Variants in SCARB1 observed in about 807,000 individuals in gnomAD.
The protein encoded by SCARB1 is CD36 and LIMPII analogous 1.
SCARB1 carries 30 observed loss-of-function variants against 57.2 expected under a neutral mutation model. The ratio of observed to expected loss-of-function variants is 0.52; its 90% CI spans 0.39 to 0.71. The LOEUF (loss-of-function observed/expected upper bound fraction) is 0.71. Among genes scored for constraint, SCARB1 ranks in the 30% least tolerant of loss-of-function variants. The probability of loss-of-function intolerance (pLI) is 0.00; values close to 1 mark genes in which losing one functional copy is unlikely to be tolerated. For synonymous variants in SCARB1, 249 were observed against 268.3 expected (o/e 0.93, Z 0.70); for missense variants, 543 against 671.2 (o/e 0.81, Z 2.11).
rs113066166 is a variant in SCARB1 at position 124,785,796 on chromosome 12, T to C, written c.1401+561A>G. On this transcript the variant is annotated intron_variant, in intron 11 of 12. Transcript: ENST00000261693. ...AAGATTAAAATTAATTCCACCTGTT[T>C]CCTTTGACTGTTAAGTGGCTATTAG... The C allele has an allele frequency of 1.5e-3, 671 of 455,594 alleles. 6 individuals are homozygous for C. Among genetic ancestry groups the C allele is most frequent in the African/African-American group, 0.011 (584 of 51,778 alleles). The allele number at this position is 455,594 out of a possible 1,614,324, so 28.2% of individuals were successfully genotyped here. A position where few individuals can be genotyped will look rare whatever the true frequency, so the allele number is the denominator to read the frequency against.
chr12:124,799,127 G>A (rs192054768), intron 8 of SCARB1, among the ~76,000 whole-genome samples: 80 of 152,320 alleles, frequency 5.3e-4, no homozygotes, highest in Non-Finnish European at 1.1e-3. Flanking sequence ...GTGAGGTAAT[G>A]CATATGTTAA....
chr12:124,781,656 TAC>T (rs1199072861), intron 12 of SCARB1, among the ~76,000 whole-genome samples: 1 of 152,196 alleles, frequency 6.6e-6, no homozygotes, highest in Non-Finnish European at 1.5e-5. Context: ...TCAGGTGAAC[TAC>T]AGACAGGTTT....
intron 1 of SCARB1, among the ~76,000 whole-genome samples, chr12:124,840,464 C>G (rs61941677): frequency 0.091 from 13,888 of 152,246 alleles, 765 homozygotes; most frequent in Non-Finnish European, 0.13. Flanking sequence ...GCGTGAGCCA[C>G]CGCGCCTGGC....
At chr12:124,808,432 T>C (rs1226617174) in intron 6 of SCARB1, among the ~76,000 whole-genome samples, 1 of 152,232 alleles carries the variant, frequency 6.6e-6, no homozygotes, top group Non-Finnish European at 1.5e-5. Context: ...TAAGCTCTGC[T>C]CAGCCCTGCC....
chr12:124,819,245 G>A (rs76199967), intron 1 of SCARB1, among the ~76,000 whole-genome samples: 6,885 of 152,226 alleles, frequency 0.045, 457 homozygotes, highest in African/African-American at 0.14. Flanking sequence ...AAGGTGAGGC[G>A]CAGGGGACAT....
rs181400961 is a variant in SCARB1, at chr12:124,793,296, G to A, written c.1202+1899C>T. Among the ~76,000 whole-genome samples, 256 of 152,220 alleles carry A rather than the reference G, an allele frequency of 1.7e-3. 4 individuals carry two copies. Among genetic ancestry groups the A allele is most frequent in the African/African-American group, 6.0e-3 (250 of 41,490 alleles). On this transcript the variant is annotated intron_variant, in intron 9 of 12. Transcript: ENST00000261693. The stretch of plus-strand genomic sequence containing the variant: ...GCTAAGAAGTACAGACACTGACATA[G>A]CAACAAATCAGTATAATCCCTCACC...
chr12:124,811,436 C>T (rs1331976301), intron 5 of SCARB1, among the ~76,000 whole-genome samples: 1 of 150,632 alleles, frequency 6.6e-6, no homozygotes, highest in Non-Finnish European at 1.5e-5. Flanking sequence ...CCACACCCAG[C>T]TAATTTTTTG....
chr12:124,795,217 TG>T lies in SCARB1; in HGVS notation c.1179del (p.Tyr393Ter). The T allele has an allele frequency of 6.2e-7, 1 of 1,613,882 alleles. No homozygotes were observed. Among genetic ancestry groups the T allele is most frequent in the Non-Finnish European group, 8.5e-7 (1 of 1,179,818 alleles). ...CACCCAATGCCTGCGACAGATTTCA[TG>T]TAGAGGCTCAGCTGCAGTTTCACAG... is the stretch of plus-strand genomic sequence containing the variant. ...NCSVKLQLSL[Y>X]MKSVAGIGQT... On this transcript the variant is annotated frameshift_variant, in exon 9 of 13. Transcript: ENST00000261693. LOFTEE classifies it high-confidence loss of function.
At chr12:124,779,490 C>T (rs1025685255) in intron 12 of SCARB1, among the ~76,000 whole-genome samples, 1 of 151,992 alleles carries the variant, frequency 6.6e-6, no homozygotes, top group African/African-American at 2.4e-5. Flanking sequence ...GGGAGGGGGA[C>T]GAGGGCCACC....
chr12:124,800,153 C>T lies in SCARB1; in HGVS notation c.1099G>A (p.Ala367Thr). ...TGGATGTCCAGGAACAAGGAGTGTG[C>T]CTCCTGGTTAGGGTGCAGGCCAGTC... ...AVTGLHPNQE[A>T]HSLFLDIHPV... Residue 367 changes from alanine to threonine, a missense_variant, in exon 8 of 13, where the codon GCA (alanine) becomes ACA (threonine). Transcript: ENST00000261693. The surrounding 1 kb of genome is among the most constrained non-coding windows in gnomAD (Gnocchi z 4.8). 5.0e-6 allele frequency: 8 copies of T among 1,613,578 alleles called. No individual in the cohort carries two copies. The Middle Eastern group carries it at 5.0e-4, about 100-fold the overall frequency.
intron 2 of SCARB1, among the ~76,000 whole-genome samples, chr12:124,816,074 C>T (rs1950703001): frequency 6.6e-6 from 1 of 152,192 alleles, no homozygotes; most frequent in Non-Finnish European, 1.5e-5. Context: ...GGGACTCTGT[C>T]TCCCCAGGGC....
chr12:124,850,619 G>A (rs532362365), intron 1 of SCARB1, among the ~76,000 whole-genome samples: 2 of 150,980 alleles, frequency 1.3e-5, no homozygotes, highest in African/African-American at 4.9e-5. Flanking sequence ...GCGGTGAGCC[G>A]AGATCACACC....
At position 124,831,923 on chromosome 12, in the gene SCARB1, C is replaced by T. The variant is rs186753928; in HGVS notation, c.127-14216G>A. Among the ~76,000 whole-genome samples the T allele has an allele frequency of 4.1e-4, 62 of 152,272 alleles. No homozygotes were observed. In the East Asian group the frequency reaches 5.4e-3, roughly 13 times the overall value. ...AAAATTCCTAGCCGGTGCTCAGGAA[C>T]GCAATCCAGGTCATCCAAAGCCAGG... is the stretch of plus-strand genomic sequence containing the variant. On this transcript the variant is annotated intron_variant, in intron 1 of 12. Transcript: ENST00000261693.
In SCARB1 at chr12:124,822,934, G is replaced by A. The variant is rs754193504; in HGVS notation, c.127-5227C>T. Among the ~76,000 whole-genome samples the A allele has an allele frequency of 8.7e-4, 132 of 151,960 alleles. No individual in the cohort carries two copies. Among genetic ancestry groups the A allele is most frequent in the Non-Finnish European group, 1.5e-3 (103 of 68,002 alleles). On this transcript the variant is annotated intron_variant, in intron 1 of 12. Coordinates refer to ENST00000261693, the MANE Select transcript of SCARB1 (RefSeq NM_005505.5). The surrounding 1 kb of genome is among the most constrained non-coding windows in gnomAD (Gnocchi z 5.0). ...CCACCCATGACATGCTATATTTACCGCTATGGAACAATCTCCAGAATATTT... is the reference window on the plus strand; with the variant it reads ...CCACCCATGACATGCTATATTTACCACTATGGAACAATCTCCAGAATATTT...
At chr12:124,844,096 T>C (rs1952032187) in intron 1 of SCARB1, among the ~76,000 whole-genome samples, 1 of 152,064 alleles carries the variant, frequency 6.6e-6, no homozygotes, top group Non-Finnish European at 1.5e-5. Context: ...CCAGCATATT[T>C]GCTGTTTGTG....
chr12:124,819,265 A>C (rs937303886), intron 1 of SCARB1, among the ~76,000 whole-genome samples: 1 of 152,202 alleles, frequency 6.6e-6, no homozygotes, highest in Non-Finnish European at 1.5e-5. Context: ...TTCCACAGCA[A>C]CCACAGCCTG....
At position 124,800,255 on chromosome 12, in the gene SCARB1, C is replaced by G; in HGVS notation, c.1010-13G>C. 6.3e-7 allele frequency: 1 copy of G among 1,581,638 alleles called. No homozygotes were observed. Among genetic ancestry groups the G allele is most frequent in the Non-Finnish European group, 8.7e-7 (1 of 1,150,976 alleles). ...AACAAGGGGGCACCTAGAAGAGGGG[C>G]AGGGAGGGGACATCAGACAAGGACA... is the stretch of plus-strand genomic sequence containing the variant. On this transcript the variant is annotated splice_polypyrimidine_tract_variant and intron_variant, in intron 7 of 12. Coordinates refer to ENST00000261693, the MANE Select transcript of SCARB1 (RefSeq NM_005505.5). This position sits in a 1 kb window ranked among gnomAD's most constrained non-coding sequence, Gnocchi z 4.8.
rs190812312 is a variant in SCARB1, at chr12:124,797,700, G to A, written c.1128+2424C>T. Among the ~76,000 whole-genome samples, 1,399 of 152,288 alleles carry A rather than the reference G, an allele frequency of 9.2e-3. 28 individuals are homozygous for A. Among genetic ancestry groups the A allele is most frequent in the Non-Finnish European group, 0.01 (689 of 68,028 alleles). On this transcript the variant is annotated intron_variant, in intron 8 of 12. Coordinates refer to ENST00000261693, the MANE Select transcript of SCARB1 (RefSeq NM_005505.5). ...GACTGTGTTCATGGTGGAATTCTCCGGAAGCCAGCAGAGCAAGAGAGGCTG... is the reference window on the plus strand; with the variant it reads ...GACTGTGTTCATGGTGGAATTCTCCAGAAGCCAGCAGAGCAAGAGAGGCTG...
At chr12:124,818,478 A>T (rs1033420016) in intron 1 of SCARB1, among the ~76,000 whole-genome samples, 10 of 151,936 alleles carry the variant, frequency 6.6e-5, no homozygotes, top group East Asian at 3.9e-4. Flanking sequence ...TTATTTATTT[A>T]TTTTTTGAGA....
Sources: allele counts gnomAD v4.1 joint callset (sites outside exome capture counted in the v4.1 genomes callset), GRCh38; gene constraint gnomAD v4.1.1; non-coding constraint Gnocchi (gnomAD v3.1); transcripts MANE v1.5; gene names NCBI Gene and HGNC (gene_info 2026-07-23, HGNC 2026-07-21).